The following PTHLH variants were observed in gnomAD, a reference collection of about 807,000 sequenced individuals.
The protein encoded by PTHLH is parathyroid hormone like hormone, also known as parathyroid hormone-related protein.
A neutral mutation model predicts 18.6 loss-of-function variants in PTHLH; 5 were observed. The ratio of observed to expected loss-of-function variants is 0.27; its 90% CI spans 0.14 to 0.56. PTHLH has a LOEUF of 0.56. Ranked by LOEUF, PTHLH falls within the 20% of genes least tolerant of loss-of-function variation. The pLI, the probability that PTHLH is intolerant of heterozygous loss-of-function variation, is 0.92. For synonymous variants in PTHLH, 90 were observed against 94.0 expected, an observed-to-expected ratio of 0.96 and a Z score of 0.25; for missense variants, 207 against 223.9, an observed-to-expected ratio of 0.92 and a Z score of 0.48.
Position 27,972,698 on chromosome 12 carries a change from G to C in PTHLH, c.-534C>G, listed in dbSNP as rs2062879059. 1.3e-5 allele frequency: 2 copies of C among 151,938 alleles called. No homozygotes were observed. Among genetic ancestry groups the C allele is most frequent in the Non-Finnish European group, 2.9e-5 (2 of 68,020 alleles). 9.4% of individuals were successfully genotyped at this position (151,938 alleles called of 1,614,324 possible). On this transcript the variant is annotated 5_prime_UTR_variant, in exon 1 of 6. Transcript: ENST00000545234. ...CTGTTCCCACTAAAGGCAATTATTAGAAAGCAGGTACCTCTTCCAAGCTGC... is the reference window on the plus strand; with the variant it reads ...CTGTTCCCACTAAAGGCAATTATTACAAAGCAGGTACCTCTTCCAAGCTGC...
intron 2 of PTHLH, 36 bp from the exon 3 acceptor site, chr12:27,970,303 GC>G: frequency 4.0e-6 from 1 of 248,776 alleles, no homozygotes; most frequent in Admixed American, 4.6e-5. Context: ...AAGAGGTGGC[GC>G]CCTAGGAACG....
intron 4 of PTHLH, among the ~76,000 whole-genome samples, chr12:27,965,064 G>A (rs545939808): frequency 9.9e-5 from 15 of 152,264 alleles, no homozygotes; most frequent in Admixed American, 2.6e-4. Context: ...TTGGTGCAAT[G>A]TCTTTAACTC....
intron 4 of PTHLH, chr12:27,969,024 C>T (rs2062842259): frequency 3.5e-6 from 1 of 289,046 alleles, no homozygotes; most frequent in Non-Finnish European, 6.7e-6. Flanking sequence ...CATACGTCCC[C>T]AGGACCGCTC....
At chr12:27,969,131 A>T (rs931882852) in intron 4 of PTHLH, 1 of 508,082 alleles carries the variant, frequency 2.0e-6, no homozygotes, top group African/African-American at 1.9e-5. Flanking sequence ...ATCTTTCCCT[A>T]GAAGAGATTC....
intron 5 of PTHLH, among the ~76,000 whole-genome samples, chr12:27,961,303 A>ATATATATATACGTG (rs2062754626): frequency 5.0e-5 from 1 of 19,882 alleles, no homozygotes; most frequent in Admixed American, 3.8e-4. Flanking sequence ...ATATATACGT[A>ATATATATATACGTG]TATATATATA....
intron 4 of PTHLH, among the ~76,000 whole-genome samples, chr12:27,965,761 G>A (rs2062807415): frequency 6.6e-6 from 1 of 152,156 alleles, no homozygotes; most frequent in African/African-American, 2.4e-5. Flanking sequence ...TTAGTATTCT[G>A]GAAACTTTTA....
chr12:27,961,707 A>G (rs1301324808), intron 5 of PTHLH: 1 of 465,200 alleles, frequency 2.1e-6, no homozygotes, highest in Non-Finnish European at 3.8e-6. Context: ...TGTGCTCAAG[A>G]TTTTTCTAGT....
intron 2 of PTHLH, among the ~76,000 whole-genome samples, chr12:27,970,788 G>A (rs772548608): frequency 4.2e-4 from 64 of 152,198 alleles, no homozygotes; most frequent in Middle Eastern, 3.2e-3. Flanking sequence ...GAGGACGCGG[G>A]CTGTTGGCCT....
In PTHLH at chr12:27,970,055, G is replaced by A. The variant is rs761307566; in HGVS notation, c.-53C>T. ...CTGGTGGGCTGGTTGCTTCCGGAAA[G>A]TTGATTCCACACACCCTGAGAACAA... On this transcript the variant is annotated 5_prime_UTR_variant, in exon 3 of 6. Transcript: ENST00000545234. 2 of 519,042 alleles carry A rather than the reference G, an allele frequency of 3.9e-6. No homozygotes were observed. Among genetic ancestry groups the A allele is most frequent in the Admixed American group, 3.9e-5 (2 of 51,598 alleles). The allele number at this position is 519,042 out of a possible 1,614,324, so 32.2% of individuals were successfully genotyped here. A position where few individuals can be genotyped will look rare whatever the true frequency, so the allele number is the denominator to read the frequency against.
At position 27,969,535 on chromosome 12, in the gene PTHLH, GGACCCGA is replaced by G; in HGVS notation, c.-22-26_-22-20del. On this transcript the variant is annotated intron_variant, in intron 3 of 5. Transcript: ENST00000545234. ...TCGGGACCTGCAACAGAAGGGAATG[GGACCCGA>G]GTGTCAGTCTGGACTCTCCATCTCC... The G allele has an allele frequency of 6.5e-7, 1 of 1,533,662 alleles. No individual in the cohort carries two copies. Among genetic ancestry groups the G allele is most frequent in the Non-Finnish European group, 8.8e-7 (1 of 1,135,906 alleles).
intron 2 of PTHLH, among the ~76,000 whole-genome samples, chr12:27,971,306 A>C (rs1458764164): frequency 2.0e-5 from 3 of 152,140 alleles, no homozygotes; most frequent in African/African-American, 7.2e-5. Flanking sequence ...TGGGCGGGGA[A>C]GAAAGACTGC....
rs972319998 is a variant in PTHLH at position 27,969,186 on chromosome 12, T to G, written c.101+208A>C. 6.7e-6 allele frequency: 4 copies of G among 593,848 alleles called. No homozygotes were observed. The Admixed American group carries it at 1.2e-4, about 18-fold the overall frequency. The allele number at this position is 593,848 out of a possible 1,614,324, so 36.8% of individuals were successfully genotyped here. A position where few individuals can be genotyped will look rare whatever the true frequency, so the allele number is the denominator to read the frequency against. On this transcript the variant is annotated intron_variant, in intron 4 of 5. Transcript: ENST00000545234. Reference sequence around the variant, plus strand: ...TGGAAACACACATAAAGTCTCTCTCTTGCCTGTCTCCCGTTGAAGATCAAC... The same window carrying G: ...TGGAAACACACATAAAGTCTCTCTCGTGCCTGTCTCCCGTTGAAGATCAAC...
At chr12:27,966,272 A>C (rs532747854) in intron 4 of PTHLH, among the ~76,000 whole-genome samples, 56 of 152,368 alleles carry the variant, frequency 3.7e-4, no homozygotes, top group African/African-American at 1.3e-3. Flanking sequence ...GTTCAATTTA[A>C]AATAGTACAT....
Position 27,972,015 on chromosome 12 carries a change from G to GA in PTHLH, c.-355dup, listed in dbSNP as rs146768139. The stretch of plus-strand genomic sequence containing the variant: ...AATGTAATCGTTAGATCTGAAGGGG[G>GA]AAATCTGTAAAAAAAAAAAAAAAAA... On this transcript the variant is annotated 5_prime_UTR_variant, in exon 2 of 6. It removes the in-frame stop codon of an upstream open reading frame in the 5' UTR. Transcript: ENST00000545234. 1,714 of 112,442 alleles carry GA rather than the reference G, an allele frequency of 0.015. 65 individuals carry two copies. The highest frequency in any genetic ancestry group is 0.055 in the African/African-American group (1,629 of 29,562). The allele number at this position is 112,442 out of a possible 1,614,324, so 7.0% of individuals were successfully genotyped here.
intron 3 of PTHLH, chr12:27,969,774 C>T (rs1262320154): frequency 8.9e-6 from 6 of 672,832 alleles, no homozygotes; most frequent in South Asian, 5.5e-5. Flanking sequence ...AGAGGCGCTT[C>T]CTCTGAAATA....
At chr12:27,963,051 A>G in intron 5 of PTHLH, 1 of 1,282,634 alleles carries the variant, frequency 7.8e-7, no homozygotes, top group South Asian at 2.0e-5. Context: ...TAGCTTCTGA[A>G]GCTTGAATAT....
At chr12:27,964,508 A>T (rs1226507879) in intron 4 of PTHLH, among the ~76,000 whole-genome samples, 1 of 151,846 alleles carries the variant, frequency 6.6e-6, no homozygotes, top group Non-Finnish European at 1.5e-5. Context: ...AGAGAGGGAG[A>T]GTATGTGTAT....
intron 2 of PTHLH, among the ~76,000 whole-genome samples, chr12:27,971,534 A>G (rs2062871669): frequency 1.3e-5 from 2 of 152,088 alleles, no homozygotes; most frequent in Admixed American, 1.3e-4. Flanking sequence ...GCCTTTATCA[A>G]GCCCGACTTT....
rs2062878420 is a variant in PTHLH at position 27,972,532 on chromosome 12, GA to G, written c.-369del. On this transcript the variant is annotated 5_prime_UTR_variant, in exon 1 of 6. An upstream open reading frame in the 5' UTR gains an earlier in-frame stop. Coordinates refer to ENST00000545234, the MANE Select transcript of PTHLH (RefSeq NM_198965.2). ...TAATTTATTACTTCACCTTTTCCTT[GA>G]TTTACAATCTTCTCTCTGCTCTTCT... 1 of 152,146 alleles carries G rather than the reference GA, an allele frequency of 6.6e-6. No homozygotes were observed. Among genetic ancestry groups the G allele is most frequent in the Non-Finnish European group, 1.5e-5 (1 of 68,026 alleles). 9.4% of individuals were successfully genotyped at this position (152,146 alleles called of 1,614,324 possible). A position where few individuals can be genotyped will look rare whatever the true frequency, so the allele number is the denominator to read the frequency against.
Sources: gnomAD v4.1 joint callset for allele counts (sites outside exome capture counted in the v4.1 genomes callset) on GRCh38, gnomAD v4.1.1 for gene constraint, MANE v1.5 for transcripts, NCBI Gene and HGNC (gene_info 2026-07-23, HGNC 2026-07-21) for gene names.